CUX1: variants seen among roughly 807,000 people sequenced by gnomAD.
The protein encoded by CUX1 is protein CASP.
CUX1 carries 31 observed loss-of-function variants against 158.8 expected under a neutral mutation model. That is an observed-to-expected ratio of 0.20 (90% CI 0.15 to 0.26). CUX1 has a LOEUF of 0.26. CUX1 is among the 10% of genes least tolerant of loss of function. The pLI is 1.00. For synonymous variants in CUX1, 879 were observed against 862.1 expected, an observed-to-expected ratio of 1.02 and a Z score of -0.34; for missense variants, 1,589 against 2,014.6, an observed-to-expected ratio of 0.79 and a Z score of 4.04.
At chr7:102,216,913 A>C (rs1405122017) in intron 20 of CUX1, among the ~76,000 whole-genome samples, 2 of 152,008 alleles carry the variant, frequency 1.3e-5, no homozygotes, top group Non-Finnish European at 2.9e-5. Context: ...ACACATTTGC[A>C]GTGATTAATC....
At position 102,277,883 on chromosome 7, in the gene CUX1, C is replaced by T. The variant is rs535095681; in HGVS notation, c.1564-66C>T. On this transcript the variant is annotated intron_variant, in intron 17 of 22. Transcript: ENST00000292538. ...GGGCACAGAAGGGGCTCCAGGTAGACGGAGCAGCACCTGTGCCAGCACGGA... is the reference window on the plus strand; with the variant it reads ...GGGCACAGAAGGGGCTCCAGGTAGATGGAGCAGCACCTGTGCCAGCACGGA... 6.1e-5 allele frequency: 60 copies of T among 980,342 alleles called. 1 individual carries two copies. The Admixed American group carries it at 8.9e-4, about 14-fold the overall frequency. 60.7% of individuals were successfully genotyped at this position (980,342 alleles called of 1,614,324 possible). A position where few individuals can be genotyped will look rare whatever the true frequency, so the allele number is the denominator to read the frequency against.
chr7:102,195,649 C>T (rs782345003), intron 14 of CUX1, 46 bp downstream of exon 14: 3 of 1,531,210 alleles, frequency 2.0e-6, no homozygotes, highest in South Asian at 1.2e-5. Flanking sequence ...GGTTCGCTTC[C>T]AGGGGTCGGT....
chr7:102,119,611 A>G (rs1365380135), intron 8 of CUX1, among the ~76,000 whole-genome samples: 2 of 152,226 alleles, frequency 1.3e-5, no homozygotes, highest in Non-Finnish European at 2.9e-5. Flanking sequence ...TTGTTGGAAC[A>G]TGGGGGCTTT....
intron 1 of CUX1, among the ~76,000 whole-genome samples, chr7:101,904,413 G>A (rs1290916864): frequency 3.9e-5 from 6 of 152,036 alleles, no homozygotes; most frequent in Non-Finnish European, 8.8e-5. Context: ...CATTTTCTGG[G>A]GGTGTGCTGA....
chr7:102,036,992 A>G (rs1821510313), intron 3 of CUX1, among the ~76,000 whole-genome samples: 1 of 152,178 alleles, frequency 6.6e-6, no homozygotes, highest in South Asian at 2.1e-4. Context: ...CGTGTTAGAG[A>G]CTAACCTGGG....
intron 1 of CUX1, among the ~76,000 whole-genome samples, chr7:101,825,753 CTGTGTGTGTGTG>C (rs537662700): frequency 3.9e-5 from 5 of 129,536 alleles, no homozygotes; most frequent in South Asian, 3.1e-4. Flanking sequence ...TTAATGAAAT[CTGTGTGTGTGTG>C]TGTGTGTGTG....
chr7:102,282,653 T>G, intron 21 of CUX1: 1 of 1,574,972 alleles, frequency 6.3e-7, no homozygotes, highest in South Asian at 1.1e-5. Flanking sequence ...GGGCCATGGG[T>G]GGGCTGCAGG....
intron 18 of CUX1, among the ~76,000 whole-genome samples, chr7:102,204,032 A>G (rs1159963583): frequency 1.3e-5 from 2 of 152,284 alleles, no homozygotes; most frequent in African/African-American, 4.8e-5. Context: ...TCCCGGTGCC[A>G]CCAAGTGAAG....
intron 16 of CUX1, among the ~76,000 whole-genome samples, chr7:102,274,863 T>TCCCCAGTTCCCCTCCTGCCC (rs752818169): frequency 8.7e-4 from 132 of 152,282 alleles, no homozygotes; most frequent in Admixed American, 5.3e-3. Context: ...TGCCCATGCC[T>TCCCCAGTTCCCCTCCTGCCC]CCCCAGTTCC....
intron 4 of CUX1, among the ~76,000 whole-genome samples, 159 bp from the exon 5 acceptor site, chr7:102,097,205 T>G (rs1554484486): frequency 6.6e-6 from 1 of 152,222 alleles, no homozygotes; most frequent in Non-Finnish European, 1.5e-5. Context: ...TGGAGAATTC[T>G]CCCACCCAGC....
intron 2 of CUX1, among the ~76,000 whole-genome samples, chr7:101,927,603 T>C (rs546276800): frequency 6.6e-6 from 1 of 152,248 alleles, no homozygotes; most frequent in South Asian, 2.1e-4. Context: ...TGAGCTATGA[T>C]TGCGTCACTG....
At chr7:101,965,275 C>T (rs143049420) in intron 2 of CUX1, among the ~76,000 whole-genome samples, 88 of 152,254 alleles carry the variant, frequency 5.8e-4, no homozygotes, top group Admixed American at 3.2e-3. Flanking sequence ...CACTGTGCGG[C>T]GGGGAGGGGG....
At chr7:102,277,447 C>G (rs1345451983) in intron 17 of CUX1, among the ~76,000 whole-genome samples, 10 of 151,638 alleles carry the variant, frequency 6.6e-5, no homozygotes, top group African/African-American at 2.2e-4. Flanking sequence ...TACAAAAAAA[C>G]TAGCCAGGCA....
In CUX1 at chr7:102,257,690, T is replaced by C. The variant is rs1390520937; in HGVS notation, c.*8648T>C. 1 of 985,402 alleles carries C rather than the reference T, an allele frequency of 1.0e-6. No individual in the cohort carries two copies. Among genetic ancestry groups the C allele is most frequent in the Non-Finnish European group, 1.2e-6 (1 of 829,924 alleles). The allele number at this position is 985,402 out of a possible 1,614,324, so 61.0% of individuals were successfully genotyped here. On this transcript the variant is annotated 3_prime_UTR_variant, in exon 24 of 24. Transcript: ENST00000292535. ...GGTGGCGGAATCTTCCGGAAAACTC[T>C]CTATAAGCTCAGCTCCCCCCACCCC... is the stretch of plus-strand genomic sequence containing the variant.
chr7:102,161,713 C>T (rs782157734), intron 9 of CUX1, among the ~76,000 whole-genome samples: 13 of 152,114 alleles, frequency 8.5e-5, no homozygotes, highest in Non-Finnish European at 1.3e-4. Flanking sequence ...TGGGTTCAGG[C>T]AATTCTCCTG....
Position 101,840,968 on chromosome 7 carries a change from A to C in CUX1, c.30+23299A>C, listed in dbSNP as rs1020733818. On this transcript the variant is annotated intron_variant, in intron 1 of 23. Transcript: ENST00000292535. ...GAGTGCAGTGGCGCGATCTCAGCTC[A>C]CTGCAACCTCTGCCTCCCGGGTTCA... Among the ~76,000 whole-genome samples the C allele has an allele frequency of 1.4e-4, 21 of 151,978 alleles. 1 individual carries two copies. Among genetic ancestry groups the C allele is most frequent in the Admixed American group, 1.4e-3 (21 of 15,258 alleles).
intron 2 of CUX1, among the ~76,000 whole-genome samples, chr7:101,917,564 C>A (rs1050625121): frequency 3.9e-5 from 6 of 152,114 alleles, no homozygotes; most frequent in African/African-American, 1.4e-4. Context: ...GGGCCCTATT[C>A]TCCATGTCAG....
At chr7:102,272,842 C>A (rs1318591954) in intron 14 of CUX1, among the ~76,000 whole-genome samples, 2 of 152,218 alleles carry the variant, frequency 1.3e-5, no homozygotes, top group African/African-American at 4.8e-5. Context: ...GGGGGCGGGA[C>A]CAAGCACCTC....
intron 10 of CUX1, 111 bp from the exon 11 acceptor site, chr7:102,178,358 C>A: frequency 1.9e-6 from 2 of 1,059,632 alleles, no homozygotes; most frequent in Non-Finnish European, 2.7e-6. Flanking sequence ...CCTGCCATCA[C>A]CATCCACACA....
Sources: gnomAD v4.1 joint callset for allele counts (sites outside exome capture counted in the v4.1 genomes callset) on GRCh38, gnomAD v4.1.1 for gene constraint, MANE v1.5 for transcripts, NCBI Gene and HGNC (gene_info 2026-07-23, HGNC 2026-07-21) for gene names.